The following SV2C variants were observed in gnomAD, a reference collection of about 807,000 sequenced individuals.
SV2C encodes the protein solute carrier family 22 member B3.
SV2C carries 49 observed loss-of-function variants against 79.7 expected under a neutral mutation model. The observed-to-expected ratio is 0.61, with a 90% CI of 0.49 to 0.78. The LOEUF (loss-of-function observed/expected upper bound fraction) is 0.78. Ranked by LOEUF, SV2C falls within the 30% of genes least tolerant of loss-of-function variation. The probability of loss-of-function intolerance (pLI) is 0.00; values close to 1 mark genes in which losing one functional copy is unlikely to be tolerated. For synonymous variants in SV2C, 334 were observed against 333.2 expected, an observed-to-expected ratio of 1.00 and a Z score of -0.03; for missense variants, 833 against 912.9, an observed-to-expected ratio of 0.91 and a Z score of 1.13.
intron 4 of SV2C, among the ~76,000 whole-genome samples, chr5:76,266,313 C>T (rs536462719): frequency 9.2e-5 from 14 of 152,092 alleles, no homozygotes; most frequent in Non-Finnish European, 1.9e-4. Context: ...GATCAAGGGA[C>T]TCTCCTGCCT....
the SV2C span, among the ~76,000 whole-genome samples, chr5:76,015,967 C>G: frequency 6.6e-6 from 1 of 151,782 alleles, no homozygotes; most frequent in Non-Finnish European, 1.5e-5. Context: ...GTTTTGGAGT[C>G]TGTATTAAAT....
the SV2C span, among the ~76,000 whole-genome samples, chr5:75,850,521 T>C: frequency 1.3e-5 from 2 of 152,170 alleles, no homozygotes; most frequent in Admixed American, 1.3e-4. Context: ...ATGACCAATT[T>C]GTTACTATGA....
At chr5:75,879,515 A>G in the SV2C span, among the ~76,000 whole-genome samples, 1 of 152,230 alleles carries the variant, frequency 6.6e-6, no homozygotes, top group Admixed American at 6.5e-5. Flanking sequence ...AAGCTCCAAA[A>G]TAATCTCCAT....
intron 2 of SV2C, among the ~76,000 whole-genome samples, chr5:76,142,987 C>T (rs1443183772): frequency 6.7e-6 from 1 of 148,410 alleles, no homozygotes; most frequent in African/African-American, 2.5e-5. Flanking sequence ...ACCTCTGACT[C>T]CCTGGTTCAA....
intron 3 of SV2C, among the ~76,000 whole-genome samples, chr5:76,202,372 T>C (rs1744478387): frequency 6.6e-6 from 1 of 152,184 alleles, no homozygotes; most frequent in South Asian, 2.1e-4. Flanking sequence ...ATGAGGAAGT[T>C]GAAGTACAGA....
the SV2C span, among the ~76,000 whole-genome samples, chr5:75,960,479 A>G: frequency 6.6e-6 from 1 of 151,986 alleles, no homozygotes; most frequent in Non-Finnish European, 1.5e-5. Flanking sequence ...TAGATACACA[A>G]ATAGTTGCCA....
At chr5:76,203,558 C>T (rs780669801) in intron 3 of SV2C, among the ~76,000 whole-genome samples, 3 of 152,016 alleles carry the variant, frequency 2.0e-5, no homozygotes, top group Non-Finnish European at 4.4e-5. Flanking sequence ...ATGACTACCC[C>T]ACTTCCCTCA....
chr5:75,929,766 A>G, the SV2C span, among the ~76,000 whole-genome samples: 1 of 152,158 alleles, frequency 6.6e-6, no homozygotes, highest in African/African-American at 2.4e-5. Flanking sequence ...AAATTATTTT[A>G]TGTAGTTTTA....
the SV2C span, among the ~76,000 whole-genome samples, chr5:75,909,914 C>T: frequency 8.5e-5 from 13 of 152,198 alleles, no homozygotes; most frequent in African/African-American, 2.9e-4. Context: ...GATGATCCAT[C>T]CACAGACACA....
intron 4 of SV2C, among the ~76,000 whole-genome samples, chr5:76,235,479 G>A (rs11959183): frequency 0.12 from 17,909 of 152,186 alleles, 3,072 homozygotes; most frequent in African/African-American, 0.38. Flanking sequence ...TATATTTATA[G>A]AGAGATTGAA....
In SV2C at chr5:76,329,127, C is replaced by T. The variant is rs983755606; in HGVS notation, c.*3580C>T. The T allele has an allele frequency of 5.9e-5, 9 of 152,020 alleles. No individual in the cohort carries two copies. The highest frequency in any genetic ancestry group is 1.9e-4 in the East Asian group (1 of 5,176). 9.4% of individuals were successfully genotyped at this position (152,020 alleles called of 1,614,324 possible). On this transcript the variant is annotated 3_prime_UTR_variant, in exon 13 of 13. Transcript: ENST00000502798. ...AAACTGAAAAATTAGGAAATAGGCA[C>T]GCATAAAAAGAGTGTAGGAAGTTGT...
intron 4 of SV2C, among the ~76,000 whole-genome samples, chr5:76,223,605 A>G (rs1745157332): frequency 6.6e-6 from 1 of 151,320 alleles, no homozygotes. Context: ...TCCCTCAAAG[A>G]CAACATAACT....
chr5:76,109,347 A>G (rs532035492), intron 1 of SV2C, among the ~76,000 whole-genome samples: 1 of 152,346 alleles, frequency 6.6e-6, no homozygotes, highest in African/African-American at 2.4e-5. Context: ...TGAGATTTGA[A>G]GTATCTGCAA....
chr5:76,035,261 T>G, the SV2C span, among the ~76,000 whole-genome samples: 3 of 152,142 alleles, frequency 2.0e-5, no homozygotes, highest in East Asian at 5.8e-4. Context: ...TCAGTTCTGC[T>G]CTGATCTTAG....
At chr5:75,977,296 G>A in the SV2C span, among the ~76,000 whole-genome samples, 2 of 152,088 alleles carry the variant, frequency 1.3e-5, no homozygotes, top group Non-Finnish European at 2.9e-5. Flanking sequence ...CAATCAGAAA[G>A]GCCCAGTTTA....
intron 4 of SV2C, among the ~76,000 whole-genome samples, chr5:76,232,969 T>G (rs1427957930): frequency 7.1e-6 from 1 of 141,356 alleles, no homozygotes; most frequent in Non-Finnish European, 1.5e-5. Context: ...TTTCCAATTC[T>G]GTGAAGAAAG....
chr5:75,889,500 T>A, the SV2C span, among the ~76,000 whole-genome samples: 1 of 152,276 alleles, frequency 6.6e-6, no homozygotes, highest in East Asian at 1.9e-4. Context: ...CAGTCTACCA[T>A]TGATGGGCAT....
chr5:75,972,845 A>T, the SV2C span, among the ~76,000 whole-genome samples: 1 of 152,154 alleles, frequency 6.6e-6, no homozygotes, highest in South Asian at 2.1e-4. Context: ...CCAAAGGATT[A>T]TAAATCATGC....
chr5:76,284,887 C>T (rs1747301944), intron 4 of SV2C, among the ~76,000 whole-genome samples: 1 of 152,088 alleles, frequency 6.6e-6, no homozygotes, highest in South Asian at 2.1e-4. Context: ...AAAAAGCATC[C>T]CAAATTTATG....
Sources: allele counts gnomAD v4.1 joint callset (sites outside exome capture counted in the v4.1 genomes callset), GRCh38; gene constraint gnomAD v4.1.1; transcripts MANE v1.5; gene names NCBI Gene and HGNC (gene_info 2026-07-23, HGNC 2026-07-21).